The following EIF3F variants were observed in gnomAD, a reference collection of about 807,000 sequenced individuals.
EIF3F encodes eukaryotic translation initiation factor 3 subunit F.
In EIF3F, 8 loss-of-function variants were observed where a neutral mutation model predicts 36.0. The observed-to-expected ratio is 0.22, with a 90% CI of 0.13 to 0.40. The LOEUF (loss-of-function observed/expected upper bound fraction) is 0.40. Among genes scored for constraint, EIF3F ranks in the 10% least tolerant of loss-of-function variants. EIF3F has a pLI of 1.00. For synonymous variants in EIF3F, 184 were observed against 188.5 expected (o/e 0.98, Z 0.19); for missense variants, 430 against 467.6 (o/e 0.92, Z 0.74).
intron 1 of EIF3F, among the ~76,000 whole-genome samples, chr11:7,990,900 T>TAAATTAAA (rs1554914921): frequency 7.3e-6 from 1 of 136,878 alleles, no homozygotes; most frequent in Non-Finnish European, 1.6e-5. Context: ...AATAAATAAA[T>TAAATTAAA]AAAAGAAATA....
chr11:7,990,244 A>G (rs1181656527), intron 1 of EIF3F, among the ~76,000 whole-genome samples: 1 of 152,220 alleles, frequency 6.6e-6, no homozygotes, highest in Non-Finnish European at 1.5e-5. Context: ...GTTAGGAATT[A>G]TGTCATTGGA....
rs1293602683 is a variant in EIF3F at position 7,992,785 on chromosome 11, A to G, written c.516-102A>G. 6 of 1,492,542 alleles carry G rather than the reference A, an allele frequency of 4.0e-6. No individual in the cohort carries two copies. The African/African-American group carries it at 6.9e-5, about 17-fold the overall frequency. 92.5% of individuals were successfully genotyped at this position (1,492,542 alleles called of 1,614,324 possible). On this transcript the variant is annotated intron_variant, in intron 3 of 7. Transcript: ENST00000651655. Reference sequence around the variant, plus strand: ...GGCAGTTGGTGTCACTAGGTGTCCTACCGTAGAAGTGTCCGGTACCCTGAA... The same window carrying G: ...GGCAGTTGGTGTCACTAGGTGTCCTGCCGTAGAAGTGTCCGGTACCCTGAA...
chr11:8,000,585 A>G lies in EIF3F; in HGVS notation c.*4563A>G, dbSNP rs1038048455. 2.6e-5 allele frequency: 4 copies of G among 152,210 alleles called. No individual in the cohort carries two copies. The highest frequency in any genetic ancestry group is 6.5e-5 in the Admixed American group (1 of 15,282). The allele number at this position is 152,210 out of a possible 1,614,324, so 9.4% of individuals were successfully genotyped here. A position where few individuals can be genotyped will look rare whatever the true frequency, so the allele number is the denominator to read the frequency against. On this transcript the variant is annotated 3_prime_UTR_variant, in exon 8 of 8. Coordinates refer to ENST00000651655, the MANE Select transcript of EIF3F (RefSeq NM_003754.3). ...TGGATGTAACTAGCTTGATTGTGGT[A>G]ATCAATTTCGCAATGTGTACATATA...
intron 7 of EIF3F, chr11:7,995,737 T>G (rs1942153306): frequency 1.6e-6 from 1 of 632,690 alleles, no homozygotes; most frequent in Non-Finnish European, 2.8e-6. Context: ...GCACCCCTAG[T>G]CTATAAGTGT....
intron 1 of EIF3F, among the ~76,000 whole-genome samples, chr11:7,990,837 G>A (rs1942082861): frequency 6.6e-6 from 1 of 151,136 alleles, no homozygotes; most frequent in South Asian, 2.1e-4. Flanking sequence ...CAACGTAGTG[G>A]TCTTAGGTCA....
chr11:7,999,822 A>G lies in EIF3F; in HGVS notation c.*3800A>G, dbSNP rs1454605269. ...ACTACTGGGTATATATCCAAAGGAA[A>G]TGAAATCAGTATGTTGAAGAGATAC... On this transcript the variant is annotated 3_prime_UTR_variant, in exon 8 of 8. Coordinates refer to ENST00000651655, the MANE Select transcript of EIF3F (RefSeq NM_003754.3). 2 of 152,278 alleles carry G rather than the reference A, an allele frequency of 1.3e-5. No individual in the cohort carries two copies. Among genetic ancestry groups the G allele is most frequent in the Non-Finnish European group, 2.9e-5 (2 of 68,054 alleles). 9.4% of individuals were successfully genotyped at this position (152,278 alleles called of 1,614,324 possible).
At chr11:7,994,277 C>T in intron 4 of EIF3F, 149 bp from the exon 5 acceptor site, 1 of 654,944 alleles carries the variant, frequency 1.5e-6, no homozygotes. Context: ...AACTTTTGCT[C>T]CCATGAGACC....
rs771918883 is a variant in EIF3F, at chr11:7,987,559, A to G, written c.207A>G (p.Pro69=). ...PGQTPASAQA[P]AQTPAPALPG... is the part of the protein sequence containing the mutation. ...AGACCCCGGCCTCAGCGCAAGCTCCAGCGCAGACCCCAGCGCCCGCTCTGC... is the reference window on the plus strand; with the variant it reads ...AGACCCCGGCCTCAGCGCAAGCTCCGGCGCAGACCCCAGCGCCCGCTCTGC... Residue 69 remains proline, a synonymous_variant, in exon 1 of 8, where the codon CCA becomes CCG. Coordinates refer to ENST00000651655, the MANE Select transcript of EIF3F (RefSeq NM_003754.3). 17 of 1,598,772 alleles carry G rather than the reference A, an allele frequency of 1.1e-5. No individual in the cohort carries two copies. In the Admixed American group the frequency reaches 2.9e-4, roughly 28 times the overall value.
chr11:7,990,107 A>C (rs988739363), intron 1 of EIF3F, among the ~76,000 whole-genome samples: 1 of 152,198 alleles, frequency 6.6e-6, no homozygotes, highest in Admixed American at 6.5e-5. Flanking sequence ...GTGTGATCAG[A>C]AGTGAGGGAT....
At position 7,987,359 on chromosome 11, in the gene EIF3F, A is replaced by G. The variant is rs763177140; in HGVS notation, c.7A>G (p.Thr3Ala). MA[T>A]PAVPVSAPPA... is the part of the protein sequence containing the mutation. ...CTCCTTCTTTCTCGACAAGATGGCC[A>G]CACCGGCGGTACCAGTAAGTGCTCC... The change falls in exon 1 of 8, where the codon ACA becomes GCA. Residue 3 changes from threonine to alanine, a missense_variant. Physicochemically the swap from Thr to Ala is moderately conservative, Grantham distance 58. This residue lies in a region of EIF3F where 168 missense variants were observed against 120.2 expected (regional missense o/e 1.40). Transcript: ENST00000651655. The G allele has an allele frequency of 6.3e-7, 1 of 1,593,100 alleles. No homozygotes were observed. Among genetic ancestry groups the G allele is most frequent in the Non-Finnish European group, 8.5e-7 (1 of 1,176,286 alleles).
At chr11:7,990,596 T>G (rs192257656) in intron 1 of EIF3F, among the ~76,000 whole-genome samples, 365 of 152,210 alleles carry the variant, frequency 2.4e-3, no homozygotes, top group African/African-American at 8.6e-3. Flanking sequence ...AGTTTTAAGA[T>G]GGGAAGTAAG....
chr11:7,989,002 T>C (rs896554537), intron 1 of EIF3F, among the ~76,000 whole-genome samples: 2 of 152,248 alleles, frequency 1.3e-5, no homozygotes, highest in African/African-American at 2.4e-5. Context: ...TGCTTGTCTT[T>C]TCTCAGACCA....
At position 7,994,509 on chromosome 11, in the gene EIF3F, G is replaced by T. The variant is rs201665082; in HGVS notation, c.737G>T (p.Arg246Leu). ...TVKYAYYDTE[R>L]IGVDLIMKTC... Reference sequence around the variant, plus strand: ...AAATACGCGTACTACGACACTGAACGCATCGGAGGTGAGTAACCTTTCCAT... The same window carrying T: ...AAATACGCGTACTACGACACTGAACTCATCGGAGGTGAGTAACCTTTCCAT... Residue 246 changes from arginine (R) to leucine (L), a missense_variant, in exon 5 of 8, where the codon CGC becomes CTC. Around this residue, in one of 2 missense-constraint regions of EIF3F, gnomAD observed 262 missense variants for 347.4 expected, o/e 0.75. Coordinates refer to ENST00000651655, the MANE Select transcript of EIF3F (RefSeq NM_003754.3). The T allele has an allele frequency of 6.2e-7, 1 of 1,613,176 alleles. No individual in the cohort carries two copies. The highest frequency in any genetic ancestry group is 1.1e-5 in the South Asian group (1 of 90,858).
intron 3 of EIF3F, 171 bp from the exon 4 acceptor site, chr11:7,992,716 C>T: frequency 1.2e-6 from 1 of 818,386 alleles, no homozygotes; most frequent in East Asian, 2.6e-5. Flanking sequence ...CTAAGTCAGC[C>T]TTTGATTTTA....
Position 7,991,835 on chromosome 11 carries a change from A to G in EIF3F, c.419A>G (p.Asn140Ser), listed in dbSNP as rs1286710812. ...EVTNCFSVPHNESEDEVAVDM... is the reference protein window; with the variant it reads ...EVTNCFSVPHSESEDEVAVDM... ...ACCAATTGCTTTTCAGTGCCGCACA[A>G]TGAGTCAGAAGATGAAGTGAGTGGG... The change falls in exon 2 of 8, where the codon AAT becomes AGT. Residue 140 changes from asparagine (N) to serine (S), a missense_variant. By Grantham distance (46) the Asn-to-Ser change is conservative. This residue lies in a region of EIF3F where 262 missense variants were observed against 347.4 expected (regional missense o/e 0.75). Transcript: ENST00000651655. 1.5e-5 allele frequency: 24 copies of G among 1,614,084 alleles called. No individual in the cohort carries two copies. Among genetic ancestry groups the G allele is most frequent in the Non-Finnish European group, 1.9e-5 (22 of 1,180,042 alleles).
Position 7,997,895 on chromosome 11 carries a change from A to G in EIF3F, c.*1873A>G, listed in dbSNP as rs998848606. On this transcript the variant is annotated 3_prime_UTR_variant, in exon 8 of 8. Coordinates refer to ENST00000651655, the MANE Select transcript of EIF3F (RefSeq NM_003754.3). ...TTTCCTTGTCATTTTTCCCTAAACAATACAAAGTATTAGATGGTGTTTATA... is the reference window on the plus strand; with the variant it reads ...TTTCCTTGTCATTTTTCCCTAAACAGTACAAAGTATTAGATGGTGTTTATA... The G allele has an allele frequency of 1.3e-5, 2 of 152,330 alleles. No homozygotes were observed. The highest frequency in any genetic ancestry group is 4.1e-4 in the South Asian group (2 of 4,830). The allele number at this position is 152,330 out of a possible 1,614,324, so 9.4% of individuals were successfully genotyped here.
rs1357407735 is a variant in EIF3F, at chr11:8,001,458, C to T, written c.*5436C>T. ...GTACTGAAATACTTGGTTATCATAG[C>T]GTAAAGATGGTAATCAACCCAAATG... On this transcript the variant is annotated 3_prime_UTR_variant, in exon 8 of 8. Transcript: ENST00000651655. The T allele has an allele frequency of 6.6e-6, 1 of 151,950 alleles. No individual in the cohort carries two copies. Among genetic ancestry groups the T allele is most frequent in the Admixed American group, 6.6e-5 (1 of 15,254 alleles). The allele number at this position is 151,950 out of a possible 1,614,324, so 9.4% of individuals were successfully genotyped here.
rs928067474 is a variant in EIF3F, at chr11:8,001,284, A to G, written c.*5262A>G. On this transcript the variant is annotated 3_prime_UTR_variant, in exon 8 of 8. Transcript: ENST00000651655. ...ACACAGGCACAGATTGCTGGTAGACATATAAGTTGGTACAGCCCTCTCTAT... is the reference window on the plus strand; with the variant it reads ...ACACAGGCACAGATTGCTGGTAGACGTATAAGTTGGTACAGCCCTCTCTAT... The G allele has an allele frequency of 5.9e-5, 9 of 152,388 alleles. 2 individuals carry two copies. The highest frequency in any genetic ancestry group is 2.1e-4 in the South Asian group (1 of 4,834). 9.4% of individuals were successfully genotyped at this position (152,388 alleles called of 1,614,324 possible).
chr11:7,991,451 A>C (rs117047609), intron 1 of EIF3F, among the ~76,000 whole-genome samples: 2 of 152,280 alleles, frequency 1.3e-5, no homozygotes, highest in African/African-American at 2.4e-5. Context: ...ATTAAATTAC[A>C]GGGAGAAAGT....
Sources: allele counts gnomAD v4.1 joint callset (sites outside exome capture counted in the v4.1 genomes callset), GRCh38; gene constraint gnomAD v4.1.1; regional missense constraint gnomAD v4.1.1; transcripts MANE v1.5; gene names NCBI Gene and HGNC (gene_info 2026-07-23, HGNC 2026-07-21).